Variants in NELL2 observed in about 807,000 individuals in gnomAD.
NELL2 encodes the protein protein kinase C-binding protein NELL2.
In NELL2, 41 loss-of-function variants were observed where a neutral mutation model predicts 109.6. The ratio of observed to expected loss-of-function variants is 0.37; its 90% CI spans 0.29 to 0.49. The LOEUF (loss-of-function observed/expected upper bound fraction) is 0.49. Ranked by LOEUF, NELL2 falls within the 20% of genes least tolerant of loss-of-function variation. The pLI is 0.98. For synonymous variants in NELL2, 355 were observed against 344.7 expected (o/e 1.03, Z -0.33); for missense variants, 900 against 1,008.3 (o/e 0.89, Z 1.45).
At chr12:44,694,990 GA>G (rs1039353985) in intron 12 of NELL2, among the ~76,000 whole-genome samples, 16 of 145,606 alleles carry the variant, frequency 1.1e-4, no homozygotes, top group Non-Finnish European at 1.9e-4. Flanking sequence ...GTAAGCAGCT[GA>G]AAAAAAGAGA....
intron 13 of NELL2, among the ~76,000 whole-genome samples, chr12:44,622,876 A>G (rs1946109432): frequency 6.6e-6 from 1 of 152,174 alleles, no homozygotes; most frequent in Non-Finnish European, 1.5e-5. Flanking sequence ...GCAAAATACA[A>G]GATAAAAGAT....
At chr12:44,916,389 G>C (rs1002306841), upstream of NELL2, among the ~76,000 whole-genome samples, 1 of 150,976 alleles carries the variant, frequency 6.6e-6, no homozygotes, top group African/African-American at 2.5e-5. Context: ...CAGAATCTAA[G>C]CTAAAAAAAA....
Position 44,894,058 on chromosome 12 carries a change from T to A in NELL2, c.39-18158A>T, listed in dbSNP as rs577331286. On this transcript the variant is annotated intron_variant, in intron 1 of 20. Transcript: ENST00000333837. ...TCTAACAGGAAAAAAATAGAGAAAT[T>A]CTACACATTGTTCAATGAAAGTTTG... Among the ~76,000 whole-genome samples the A allele has an allele frequency of 3.9e-5, 6 of 152,302 alleles. No individual in the cohort carries two copies. In the South Asian group the frequency reaches 1.2e-3, roughly 32 times the overall value.
chr12:44,798,946 C>CTTTTTT lies in NELL2; in HGVS notation c.335+17034_335+17039dup, dbSNP rs1157006162. 2.8e-4 allele frequency among the ~76,000 whole-genome samples: 22 copies of CTTTTTT among 77,444 alleles called. 1 individual carries two copies. Among genetic ancestry groups the CTTTTTT allele is most frequent in the African/African-American group, 4.8e-4 (8 of 16,810 alleles). The allele number at this position is 77,444 out of a possible 152,430, so 50.8% of individuals were successfully genotyped here. ...AAAAGAACTTTGCAAATGATTTCCA[C>CTTTTTT]TTTTTTTTTTTTTTTTTTTTTTTTT... is the stretch of plus-strand genomic sequence containing the variant. On this transcript the variant is annotated intron_variant, in intron 3 of 19. Transcript: ENST00000429094.
chr12:44,601,856 A>G (rs1051027302), intron 15 of NELL2, among the ~76,000 whole-genome samples: 1 of 152,170 alleles, frequency 6.6e-6, no homozygotes, highest in Non-Finnish European at 1.5e-5. Context: ...AAAGGGTCAC[A>G]TAGCTGGCTG....
chr12:44,679,467 C>T (rs1948425925), intron 12 of NELL2, among the ~76,000 whole-genome samples: 5 of 152,044 alleles, frequency 3.3e-5, no homozygotes, highest in Admixed American at 3.3e-4. Context: ...CACCACCTGA[C>T]ATTTTTATAA....
At chr12:44,862,795 A>C (rs1201602778) in intron 2 of NELL2, among the ~76,000 whole-genome samples, 2 of 152,220 alleles carry the variant, frequency 1.3e-5, no homozygotes, top group African/African-American at 2.4e-5. Context: ...GGAAGAAAGG[A>C]TCTGTGAACT....
chr12:44,912,065 T>C (rs993946447), intron 1 of NELL2, among the ~76,000 whole-genome samples: 1 of 151,916 alleles, frequency 6.6e-6, no homozygotes, highest in Non-Finnish European at 1.5e-5. Flanking sequence ...TCTCTGTCTA[T>C]GTGTTGGGGG....
At chr12:44,707,254 A>T (rs964811161) in intron 11 of NELL2, among the ~76,000 whole-genome samples, 2 of 152,150 alleles carry the variant, frequency 1.3e-5, no homozygotes, top group African/African-American at 4.8e-5. Flanking sequence ...ATCTACTTCA[A>T]GCTAATGAAG....
At chr12:44,697,063 T>C (rs748562183) in intron 12 of NELL2, among the ~76,000 whole-genome samples, 7 of 152,192 alleles carry the variant, frequency 4.6e-5, no homozygotes, top group African/African-American at 1.2e-4. Flanking sequence ...AACTTTAACA[T>C]AGGCTAATAA....
At chr12:44,717,493 T>C (rs1317268338) in intron 9 of NELL2, among the ~76,000 whole-genome samples, 2 of 152,190 alleles carry the variant, frequency 1.3e-5, no homozygotes, top group African/African-American at 4.8e-5. Context: ...ACTGAAATTC[T>C]ATGATTAAAT....
chr12:44,509,014 A>T (rs1275395853), intron 19 of NELL2, 30 bp from the exon 20 acceptor site: 1 of 1,592,090 alleles, frequency 6.3e-7, no homozygotes, highest in South Asian at 1.1e-5. Context: ...AAAGAAAAAC[A>T]GTATGAATTT....
At chr12:44,626,678 T>A (rs1303550165) in intron 13 of NELL2, among the ~76,000 whole-genome samples, 1 of 152,160 alleles carries the variant, frequency 6.6e-6, no homozygotes, top group East Asian at 1.9e-4. Context: ...TTGGACCCTG[T>A]CGGCTGCATC....
intron 13 of NELL2, among the ~76,000 whole-genome samples, chr12:44,621,694 G>A (rs1190098118): frequency 7.0e-6 from 1 of 143,800 alleles, no homozygotes. Context: ...TATTGTGCTC[G>A]AACTTTTTTT....
At chr12:44,661,075 G>A (rs1419793091) in intron 13 of NELL2, among the ~76,000 whole-genome samples, 1 of 152,166 alleles carries the variant, frequency 6.6e-6, no homozygotes, top group Non-Finnish European at 1.5e-5. Context: ...GAGACAAAAT[G>A]ACATAGTATG....
chr12:44,784,002 G>A (rs1458711392), intron 3 of NELL2, among the ~76,000 whole-genome samples: 2 of 152,042 alleles, frequency 1.3e-5, no homozygotes. Context: ...TTCCAGGGAT[G>A]CCAGTCTGGT....
chr12:44,687,137 C>T (rs768569756), intron 12 of NELL2, among the ~76,000 whole-genome samples: 2 of 152,178 alleles, frequency 1.3e-5, no homozygotes, highest in Admixed American at 6.5e-5. Context: ...GTCGGAAATG[C>T]GCAGTATTCG....
intron 19 of NELL2, among the ~76,000 whole-genome samples, chr12:44,516,160 AATATATT>A (rs1273081623): frequency 2.6e-5 from 4 of 152,082 alleles, no homozygotes; most frequent in Middle Eastern, 3.4e-3. Context: ...ATGTAATTAG[AATATATT>A]ATATAAGTAT....
chr12:44,586,226 T>C (rs960338536), intron 15 of NELL2, among the ~76,000 whole-genome samples: 2 of 148,650 alleles, frequency 1.3e-5, no homozygotes, highest in Non-Finnish European at 3.0e-5. Context: ...CATATATATC[T>C]AATTGAAAAC....
Sources: gnomAD v4.1 joint callset for allele counts (sites outside exome capture counted in the v4.1 genomes callset) on GRCh38, gnomAD v4.1.1 for gene constraint, MANE v1.5 for transcripts, NCBI Gene and HGNC (gene_info 2026-07-23, HGNC 2026-07-21) for gene names.